Variants in CAMK4 observed in about 807,000 individuals in gnomAD.
The protein encoded by CAMK4 is calcium/calmodulin dependent protein kinase IV.
CAMK4 carries 22 observed loss-of-function variants against 44.9 expected under a neutral mutation model. The observed-to-expected ratio is 0.49, with a 90% CI of 0.35 to 0.70. The LOEUF (loss-of-function observed/expected upper bound fraction) is 0.70, where lower values mean the gene tolerates loss of function less well. CAMK4 is among the 30% of genes least tolerant of loss of function. The probability of loss-of-function intolerance (pLI) is 0.01; values close to 1 mark genes in which losing one functional copy is unlikely to be tolerated. For missense variants in CAMK4, 498 were observed against 586.8 expected, an observed-to-expected ratio of 0.85 and a Z score of 1.56; for synonymous variants, 218 against 215.4, an observed-to-expected ratio of 1.01 and a Z score of -0.11.
chr5:111,376,547 AT>A (rs1178193189), intron 3 of CAMK4, among the ~76,000 whole-genome samples: 3 of 152,046 alleles, frequency 2.0e-5, no homozygotes, highest in Non-Finnish European at 4.4e-5. Flanking sequence ...TTTGTTTTTG[AT>A]TTTTGAACAA....
rs184779017 is a variant in CAMK4 at position 111,348,506 on chromosome 5, A to G, written c.240+4404A>G. On this transcript the variant is annotated intron_variant, in intron 2 of 10. Transcript: ENST00000282356. ...CATGAGACATGTTTTAAGTTAATAT[A>G]TATTTTATAAATGGGTATAACATCA... is the stretch of plus-strand genomic sequence containing the variant. 5.3e-5 allele frequency among the ~76,000 whole-genome samples: 8 copies of G among 152,184 alleles called. No homozygotes were observed. In the East Asian group the frequency reaches 1.5e-3, roughly 29 times the overall value.
chr5:111,476,570 C>T (rs149906516), intron 8 of CAMK4, among the ~76,000 whole-genome samples: 2 of 152,008 alleles, frequency 1.3e-5, no homozygotes, highest in East Asian at 3.9e-4. Context: ...ACCCACCGCG[C>T]ATGGCCCACT....
At chr5:111,303,938 A>G (rs1397746560) in intron 1 of CAMK4, among the ~76,000 whole-genome samples, 2 of 123,866 alleles carry the variant, frequency 1.6e-5, no homozygotes, top group Non-Finnish European at 3.1e-5. Flanking sequence ...GGGGGCCAAT[A>G]TTCAACATTC....
intron 7 of CAMK4, among the ~76,000 whole-genome samples, chr5:111,467,175 C>G (rs1311815735): frequency 6.6e-6 from 1 of 151,966 alleles, no homozygotes; most frequent in South Asian, 2.1e-4. Context: ...TCACCTTATA[C>G]AAAAATCAAC....
chr5:111,309,971 G>C (rs1748129263), intron 1 of CAMK4, among the ~76,000 whole-genome samples: 1 of 152,146 alleles, frequency 6.6e-6, no homozygotes, highest in African/African-American at 2.4e-5. Context: ...TAAATAGTCT[G>C]TTAGATTAAG....
At chr5:111,378,916 A>G (rs1231917276) in intron 4 of CAMK4, among the ~76,000 whole-genome samples, 1 of 152,154 alleles carries the variant, frequency 6.6e-6, no homozygotes, top group Admixed American at 6.6e-5. Context: ...CCATGTCCTC[A>G]AGCAAGAGTC....
chr5:111,403,419 G>T (rs1441867649), intron 5 of CAMK4, among the ~76,000 whole-genome samples: 1 of 152,126 alleles, frequency 6.6e-6, no homozygotes, highest in Non-Finnish European at 1.5e-5. Context: ...TTTCTCTGGA[G>T]ACTTTTGTTT....
rs1751146149 is a variant in CAMK4 at position 111,374,739 on chromosome 5, T to C, written c.241-111T>C. The C allele has an allele frequency of 5.8e-6, 4 of 694,578 alleles. No individual in the cohort carries two copies. The Admixed American group carries it at 9.0e-5, about 16-fold the overall frequency. 43.0% of individuals were successfully genotyped at this position (694,578 alleles called of 1,614,324 possible). ...AGGAGACACACAAAAGCTAAGGAAT[T>C]AGGCTCTGCGAATTGCCTGATTCAC... On this transcript the variant is annotated intron_variant, in intron 2 of 10. Transcript: ENST00000282356.
chr5:111,481,727 A>G (rs10067696), intron 9 of CAMK4, among the ~76,000 whole-genome samples: 1,792 of 152,304 alleles, frequency 0.012, 29 homozygotes, highest in African/African-American at 0.041. Context: ...GTCTAAATAC[A>G]GGCTCCATCA....
At chr5:111,331,201 A>G (rs1476984236) in intron 1 of CAMK4, among the ~76,000 whole-genome samples, 1 of 151,708 alleles carries the variant, frequency 6.6e-6, no homozygotes, top group African/African-American at 2.4e-5. Context: ...ATACACATAT[A>G]TAACAAATAA....
At chr5:111,426,084 T>C (rs1234265378) in intron 5 of CAMK4, among the ~76,000 whole-genome samples, 1 of 140,152 alleles carries the variant, frequency 7.1e-6, no homozygotes, top group Admixed American at 7.2e-5. Context: ...ACAATTTTTT[T>C]AAGTATTCCA....
At chr5:111,285,220 T>C (rs1751191039) in intron 1 of CAMK4, among the ~76,000 whole-genome samples, 1 of 152,220 alleles carries the variant, frequency 6.6e-6, no homozygotes. Context: ...AATATACTAA[T>C]GAACAGCTTA....
intron 1 of CAMK4, among the ~76,000 whole-genome samples, chr5:111,321,617 T>C (rs1309565607): frequency 6.6e-6 from 1 of 152,132 alleles, no homozygotes; most frequent in East Asian, 1.9e-4. Flanking sequence ...GAAACAGCAG[T>C]GGGTGTAGTC....
At chr5:111,445,813 C>T (rs986657727) in intron 5 of CAMK4, among the ~76,000 whole-genome samples, 1 of 152,126 alleles carries the variant, frequency 6.6e-6, no homozygotes, top group Non-Finnish European at 1.5e-5. Flanking sequence ...GCCTAGAATG[C>T]TTTTTCTATG....
chr5:111,491,055 A>C lies in CAMK4; in HGVS notation c.*6589A>C, dbSNP rs1384351322. On this transcript the variant is annotated 3_prime_UTR_variant, in exon 11 of 11. Coordinates refer to ENST00000282356, the MANE Select transcript of CAMK4 (RefSeq NM_001744.6). ...TACTTGAATGTCAGTCATTCATTTT[A>C]TCTCTCGTCTTTGAGATACACACAT... is the stretch of plus-strand genomic sequence containing the variant. The C allele has an allele frequency of 7.2e-5, 11 of 152,220 alleles. No individual in the cohort carries two copies. The highest frequency in any genetic ancestry group is 6.5e-5 in the Admixed American group (1 of 15,280). The allele number at this position is 152,220 out of a possible 1,614,324, so 9.4% of individuals were successfully genotyped here.
At position 111,478,469 on chromosome 5, in the gene CAMK4, C is replaced by A; in HGVS notation, c.790C>A (p.Pro264Thr). ...ILNCEYYFIS[P>T]WWDEVSLNAK... Reference sequence around the variant, plus strand: ...GAATTGTGAATATTACTTTATCTCCCCCTGGTGGGATGAAGTATCTCTAAA... The same window carrying A: ...GAATTGTGAATATTACTTTATCTCCACCTGGTGGGATGAAGTATCTCTAAA... Residue 264 changes from proline to threonine, a missense_variant, in exon 9 of 11, where the codon CCC becomes ACC. Transcript: ENST00000282356. 2 of 1,550,402 alleles carry A rather than the reference C, an allele frequency of 1.3e-6. No homozygotes were observed. The highest frequency in any genetic ancestry group is 1.1e-5 in the South Asian group (1 of 87,914).
chr5:111,403,417 GA>G (rs1752302532), intron 5 of CAMK4, among the ~76,000 whole-genome samples: 1 of 152,032 alleles, frequency 6.6e-6, no homozygotes, highest in Non-Finnish European at 1.5e-5. Context: ...TCTTTCTCTG[GA>G]GACTTTTGTT....
chr5:111,351,364 C>T (rs567990850), intron 2 of CAMK4, among the ~76,000 whole-genome samples: 1 of 151,952 alleles, frequency 6.6e-6, no homozygotes, highest in Non-Finnish European at 1.5e-5. Flanking sequence ...GTGTGCATAT[C>T]TCTTTACAAG....
intron 1 of CAMK4, among the ~76,000 whole-genome samples, chr5:111,319,902 T>C (rs1561408509): frequency 6.6e-6 from 1 of 152,182 alleles, no homozygotes; most frequent in Non-Finnish European, 1.5e-5. Flanking sequence ...AATCAACTTA[T>C]GAGATGGCTG....
Sources: allele counts gnomAD v4.1 joint callset (sites outside exome capture counted in the v4.1 genomes callset), GRCh38; gene constraint gnomAD v4.1.1; transcripts MANE v1.5; gene names NCBI Gene and HGNC (gene_info 2026-07-23, HGNC 2026-07-21).